Variants in GABRA3 observed in about 807,000 individuals in gnomAD.
The protein encoded by GABRA3 is gamma-aminobutyric acid type A receptor subunit alpha3.
In GABRA3, 10 loss-of-function variants were observed where a neutral mutation model predicts 30.1. The observed-to-expected ratio is 0.33, with a 90% CI of 0.20 to 0.56. GABRA3 has a LOEUF of 0.56. Ranked by LOEUF, GABRA3 falls within the 20% of genes least tolerant of loss-of-function variation. The probability of loss-of-function intolerance (pLI) is 0.89; values close to 1 mark genes in which losing one functional copy is unlikely to be tolerated. For synonymous variants in GABRA3, 151 were observed against 146.8 expected (o/e 1.03, Z -0.21); for missense variants, 233 against 392.0 (o/e 0.59, Z 3.42).
chrX:152,406,286 C>T (rs1451729273), intron 1 of GABRA3, among the ~76,000 whole-genome samples: 1 of 110,152 alleles, frequency 9.1e-6, no homozygotes, highest in African/African-American at 3.3e-5. Context: ...TATGGAATGG[C>T]TGAATGGATT....
chrX:152,298,229 GT>G (rs757639452), intron 3 of GABRA3, among the ~76,000 whole-genome samples: 40 of 110,961 alleles, frequency 3.6e-4, no homozygotes, highest in South Asian at 1.9e-3. Flanking sequence ...TTCCTTGTCT[GT>G]TTTTTTTATT....
At chrX:152,384,740 C>T (rs1212745175) in intron 1 of GABRA3, among the ~76,000 whole-genome samples, 1 of 111,886 alleles carries the variant, frequency 8.9e-6, no homozygotes, top group Non-Finnish European at 1.9e-5. Flanking sequence ...ATAAAGGAAG[C>T]AACTGTTAAA....
chrX:152,293,009 G>C (rs989665462), intron 3 of GABRA3, among the ~76,000 whole-genome samples: 18 of 111,297 alleles, frequency 1.6e-4, no homozygotes, highest in Non-Finnish European at 2.3e-4. Context: ...ATGTGGTGCT[G>C]AAAAGAATGT....
At chrX:152,233,936 T>C (rs1465338743) in intron 5 of GABRA3, among the ~76,000 whole-genome samples, 1 of 106,292 alleles carries the variant, frequency 9.4e-6, no homozygotes. Flanking sequence ...CTCAGTAAAC[T>C]ATTGCAAGCA....
intron 1 of GABRA3, among the ~76,000 whole-genome samples, chrX:152,390,376 C>G (rs1929444714): frequency 8.9e-6 from 1 of 111,894 alleles, no homozygotes; most frequent in Non-Finnish European, 1.9e-5. Context: ...TGAATGATGG[C>G]TATCTCATTA....
At chrX:152,300,179 C>A (rs1241369393) in intron 3 of GABRA3, among the ~76,000 whole-genome samples, 1 of 112,319 alleles carries the variant, frequency 8.9e-6, no homozygotes, top group Non-Finnish European at 1.9e-5. Context: ...CTGAGTAGTA[C>A]AAGTATGGTA....
rs780420444 is a variant in GABRA3, at chrX:152,199,371, A to T, written c.779-1586T>A. ...ACAGGCGAGACTCTGTCTCAAAAAA[A>T]AAAAAATAAAAAAAGCAAAAAACAA... On this transcript the variant is annotated intron_variant, in intron 7 of 9. Coordinates refer to ENST00000370314, the MANE Select transcript of GABRA3 (RefSeq NM_000808.4). 1.6e-4 allele frequency among the ~76,000 whole-genome samples: 17 copies of T among 108,649 alleles called. No homozygotes were observed. In the South Asian group the frequency reaches 1.6e-3, roughly 10 times the overall value. 94.3% of individuals were successfully genotyped at this position (108,649 alleles called of 115,157 possible).
intron 3 of GABRA3, among the ~76,000 whole-genome samples, chrX:152,327,503 C>G (rs1158424537): frequency 8.9e-6 from 1 of 112,067 alleles, no homozygotes; most frequent in Admixed American, 9.5e-5. Flanking sequence ...CAAACTATCT[C>G]TCAGACCACA....
intron 5 of GABRA3, among the ~76,000 whole-genome samples, chrX:152,235,491 G>T (rs1393395092): frequency 1.8e-5 from 2 of 111,029 alleles, no homozygotes; most frequent in Admixed American, 9.7e-5. Context: ...AAATCCTAAA[G>T]ACCCCAACAA....
chrX:152,195,388 C>T (rs1383781626), intron 8 of GABRA3, among the ~76,000 whole-genome samples: 1 of 111,797 alleles, frequency 8.9e-6, no homozygotes, highest in Non-Finnish European at 1.9e-5. Context: ...GGGAAGTGTC[C>T]TTGTATTAAT....
rs548425364 is a variant in GABRA3, at chrX:152,199,345, A to G, written c.779-1560T>C. Among the ~76,000 whole-genome samples the G allele has an allele frequency of 4.3e-3, 453 of 105,040 alleles. 2 individuals are homozygous for G. Among genetic ancestry groups the G allele is most frequent in the Non-Finnish European group, 6.2e-3 (313 of 50,420 alleles). The allele number at this position is 105,040 out of a possible 115,157, so 91.2% of individuals were successfully genotyped here. A position where few individuals can be genotyped will look rare whatever the true frequency, so the allele number is the denominator to read the frequency against. The stretch of plus-strand genomic sequence containing the variant: ...CGTGCCACTGCACTCCAGCCTGGGC[A>G]ACAGGCGAGACTCTGTCTCAAAAAA... On this transcript the variant is annotated intron_variant, in intron 7 of 9. Transcript: ENST00000370314.
intron 1 of GABRA3, among the ~76,000 whole-genome samples, chrX:152,420,468 T>C (rs1342141555): frequency 2.7e-5 from 3 of 111,168 alleles, no homozygotes; most frequent in Non-Finnish European, 5.7e-5. Flanking sequence ...TAGAAAGTGA[T>C]TTTTTTTACA....
intron 3 of GABRA3, among the ~76,000 whole-genome samples, chrX:152,296,880 G>C (rs924911481): frequency 9.1e-6 from 1 of 109,662 alleles, no homozygotes; most frequent in Non-Finnish European, 1.9e-5. Flanking sequence ...TGTATTTTTA[G>C]TAGATAAGGG....
At chrX:152,224,040 C>T (rs1937891145) in intron 6 of GABRA3, among the ~76,000 whole-genome samples, 1 of 111,360 alleles carries the variant, frequency 9.0e-6, no homozygotes, top group African/African-American at 3.3e-5. Flanking sequence ...ACATGTTGCA[C>T]TTAATTATTT....
chrX:152,416,555 G>T (rs1179275122), intron 1 of GABRA3, among the ~76,000 whole-genome samples: 2 of 110,012 alleles, frequency 1.8e-5, no homozygotes, highest in Admixed American at 9.7e-5. Flanking sequence ...AAAAGAGCCC[G>T]CATCGCCAAG....
intron 5 of GABRA3, among the ~76,000 whole-genome samples, chrX:152,233,086 C>T (rs906333946): frequency 9.0e-6 from 1 of 110,820 alleles, no homozygotes; most frequent in Non-Finnish European, 1.9e-5. Flanking sequence ...TGATGTTGGG[C>T]ATTTTATCAT....
intron 5 of GABRA3, among the ~76,000 whole-genome samples, chrX:152,231,841 A>G (rs180789995): frequency 8.9e-6 from 1 of 112,070 alleles, no homozygotes; most frequent in Non-Finnish European, 1.9e-5. Context: ...AGAAAAAAGG[A>G]ATACACACAA....
chrX:152,446,565 A>G (rs1043344193), intron 1 of GABRA3, among the ~76,000 whole-genome samples: 3 of 110,286 alleles, frequency 2.7e-5, no homozygotes, highest in Non-Finnish European at 5.7e-5. Flanking sequence ...TAAAAAAAAA[A>G]AAAGCATTCT....
intron 8 of GABRA3, among the ~76,000 whole-genome samples, chrX:152,191,643 T>C (rs774417986): frequency 9.2e-6 from 1 of 108,597 alleles, no homozygotes; most frequent in East Asian, 3.0e-4. Context: ...TCCATTAACT[T>C]TACCCAGAGG....
Sources: allele counts gnomAD v4.1 joint callset (sites outside exome capture counted in the v4.1 genomes callset), GRCh38; gene constraint gnomAD v4.1.1; transcripts MANE v1.5; gene names NCBI Gene and HGNC (gene_info 2026-07-23, HGNC 2026-07-21).